The following CREB3L2 variants were observed in gnomAD, a reference collection of about 807,000 sequenced individuals.
The protein encoded by CREB3L2 is cAMP responsive element binding protein 3 like 2.
CREB3L2 carries 23 observed loss-of-function variants against 57.2 expected under a neutral mutation model. That is an observed-to-expected ratio of 0.40 (90% CI 0.29 to 0.57). The LOEUF (loss-of-function observed/expected upper bound fraction) is 0.57, where lower values mean the gene tolerates loss of function less well. Ranked by LOEUF, CREB3L2 falls within the 20% of genes least tolerant of loss-of-function variation. The probability of loss-of-function intolerance (pLI) is 0.42; values close to 1 mark genes in which losing one functional copy is unlikely to be tolerated. For missense variants in CREB3L2, 628 were observed against 634.7 expected (o/e 0.99, Z 0.11); for synonymous variants, 268 against 265.1 (o/e 1.01, Z -0.11).
intron 1 of CREB3L2, among the ~76,000 whole-genome samples, chr7:137,971,581 CT>C (rs1197758844): frequency 1.3e-5 from 2 of 151,950 alleles, no homozygotes; most frequent in African/African-American, 4.8e-5. Context: ...AACACCGGTC[CT>C]TACTCTCTGC....
intron 1 of CREB3L2, among the ~76,000 whole-genome samples, chr7:137,931,629 C>T (rs940700694): frequency 2.0e-5 from 3 of 151,408 alleles, no homozygotes; most frequent in African/African-American, 7.3e-5. Flanking sequence ...GTCAGGAGTT[C>T]GAGGCTGGCC....
rs1391494990 is a variant in CREB3L2 at position 137,946,870 on chromosome 7, ATATAGTTATC to A, written c.103-18514_103-18505del. 3.2e-4 allele frequency among the ~76,000 whole-genome samples: 21 copies of A among 65,220 alleles called. 2 individuals carry two copies. The highest frequency in any genetic ancestry group is 1.4e-3 in the African/African-American group (17 of 11,910). The allele number at this position is 65,220 out of a possible 152,430, so 42.8% of individuals were successfully genotyped here. On this transcript the variant is annotated intron_variant, in intron 1 of 11. Coordinates refer to ENST00000330387, the MANE Select transcript of CREB3L2 (RefSeq NM_194071.4). ...TATATAGTTATCTATATAGTTATAT[ATATAGTTATC>A]TATATAGTTATATATATAGTTATAT...
At chr7:137,904,849 A>AAAG (rs3087066) in intron 6 of CREB3L2, among the ~76,000 whole-genome samples, 22,066 of 147,232 alleles carry the variant, frequency 0.15, 4,973 homozygotes, top group African/African-American at 0.5. Flanking sequence ...AAAAAAAAAA[A>AAAG]AAAGAAAGAA....
At chr7:137,992,446 C>T (rs752808905) in intron 1 of CREB3L2, among the ~76,000 whole-genome samples, 2 of 152,068 alleles carry the variant, frequency 1.3e-5, no homozygotes, top group African/African-American at 2.4e-5. Context: ...ATGGGTGCAG[C>T]GATAAGAAGG....
chr7:137,935,897 GT>G, intron 1 of CREB3L2: 3 of 587,844 alleles, frequency 5.1e-6, no homozygotes, highest in Non-Finnish European at 6.4e-6. Context: ...TACGCTTTGA[GT>G]TTTCAGGTCA....
intron 1 of CREB3L2, among the ~76,000 whole-genome samples, chr7:137,962,410 C>T (rs954311172): frequency 2.0e-5 from 3 of 152,030 alleles, no homozygotes; most frequent in South Asian, 2.1e-4. Flanking sequence ...GGTTTCTAGG[C>T]CCCCTTTCTC....
rs756800914 is a variant in CREB3L2 at position 137,915,877 on chromosome 7, G to A, written c.455C>T (p.Pro152Leu). ...VTLTITAIST[P>L]LEKEEPPLEM... ...CAGAGGAGGTTCCTCCTTTTCCAAC[G>A]GGGTGGAGATGGCTGTGATGGTCAG... Residue 152 changes from proline to leucine, a missense_variant, in exon 3 of 12, where the codon CCG becomes CTG. Physicochemically the swap from Pro to Leu is moderately conservative, Grantham distance 98 (BLOSUM62 -3). Coordinates refer to ENST00000330387, the MANE Select transcript of CREB3L2 (RefSeq NM_194071.4). 38 of 1,614,076 alleles carry A rather than the reference G, an allele frequency of 2.4e-5. No individual in the cohort carries two copies. Among genetic ancestry groups the A allele is most frequent in the South Asian group, 8.8e-5 (8 of 91,068 alleles).
intron 3 of CREB3L2, among the ~76,000 whole-genome samples, chr7:137,913,919 G>A (rs1413164745): frequency 1.3e-5 from 2 of 152,094 alleles, no homozygotes; most frequent in African/African-American, 4.8e-5. Context: ...GGAGGGGCCA[G>A]GGGGTCTCTT....
chr7:137,964,445 T>G (rs1370687955), intron 1 of CREB3L2, among the ~76,000 whole-genome samples: 1 of 152,224 alleles, frequency 6.6e-6, no homozygotes, highest in African/African-American at 2.4e-5. Context: ...GGGGAATGTT[T>G]TCCTCCGTGT....
At chr7:137,959,168 C>T (rs1801273691) in intron 1 of CREB3L2, among the ~76,000 whole-genome samples, 1 of 152,188 alleles carries the variant, frequency 6.6e-6, no homozygotes, top group Admixed American at 6.5e-5. Context: ...GAGGTGATGT[C>T]TATTTCTCTG....
At chr7:137,947,979 C>T (rs1427242185) in intron 1 of CREB3L2, among the ~76,000 whole-genome samples, 4 of 152,184 alleles carry the variant, frequency 2.6e-5, no homozygotes, top group Non-Finnish European at 4.4e-5. Flanking sequence ...GCCTCGGGCT[C>T]TGCCACTCTG....
Position 137,879,167 on chromosome 7 carries a change from A to AT in CREB3L2, c.*1308dup, listed in dbSNP as rs1375146324. ...TAAACTACAAAAGTTACTTTTAACCATAAAAAAAAAACAAAAAAACTAAAA... is the reference window on the plus strand; with the variant it reads ...TAAACTACAAAAGTTACTTTTAACCATTAAAAAAAAAACAAAAAAACTAAAA... On this transcript the variant is annotated 3_prime_UTR_variant, in exon 12 of 12. Transcript: ENST00000330387. 1 of 506,804 alleles carries AT rather than the reference A, an allele frequency of 2.0e-6. No individual in the cohort carries two copies. The highest frequency in any genetic ancestry group is 3.7e-6 in the Non-Finnish European group (1 of 270,112). The allele number at this position is 506,804 out of a possible 1,614,324, so 31.4% of individuals were successfully genotyped here. A position where few individuals can be genotyped will look rare whatever the true frequency, so the allele number is the denominator to read the frequency against.
intron 1 of CREB3L2, among the ~76,000 whole-genome samples, chr7:137,947,207 C>T (rs1199636922): frequency 6.6e-6 from 1 of 151,268 alleles, no homozygotes; most frequent in Non-Finnish European, 1.5e-5. Flanking sequence ...TGCTGGCACC[C>T]TGATCTCAGA....
chr7:138,000,232 C>A (rs1042941441), intron 1 of CREB3L2, among the ~76,000 whole-genome samples: 7 of 152,346 alleles, frequency 4.6e-5, no homozygotes, highest in African/African-American at 1.7e-4. Context: ...TGTAGCCTGT[C>A]AGTAGAAACT....
intron 3 of CREB3L2, 109 bp from the exon 4 acceptor site, chr7:137,913,187 A>G: frequency 1.8e-6 from 2 of 1,093,434 alleles, no homozygotes; most frequent in Non-Finnish European, 2.6e-6. Context: ...AGCCCTGCCT[A>G]TCCTGGAGAA....
At chr7:137,979,560 C>T (rs1801675739) in intron 1 of CREB3L2, among the ~76,000 whole-genome samples, 3 of 152,100 alleles carry the variant, frequency 2.0e-5, no homozygotes, top group Non-Finnish European at 4.4e-5. Context: ...CCCACCTCTA[C>T]TAAAAATACA....
At chr7:137,945,205 C>T (rs958840093) in intron 1 of CREB3L2, among the ~76,000 whole-genome samples, 17 of 152,198 alleles carry the variant, frequency 1.1e-4, no homozygotes, top group Non-Finnish European at 2.4e-4. Flanking sequence ...AAATTTATAA[C>T]TTTTAATTGA....
chr7:137,955,869 T>C (rs1801200186), intron 1 of CREB3L2, among the ~76,000 whole-genome samples: 1 of 152,054 alleles, frequency 6.6e-6, no homozygotes, highest in Non-Finnish European at 1.5e-5. Context: ...ATTCAAAAAA[T>C]TACAACCTAA....
chr7:137,997,384 T>C (rs1004124245), intron 1 of CREB3L2, among the ~76,000 whole-genome samples: 3 of 152,190 alleles, frequency 2.0e-5, no homozygotes, highest in Non-Finnish European at 2.9e-5. Context: ...TTTATACATA[T>C]ATAAAATACA....
Sources: gnomAD v4.1 joint callset for allele counts (sites outside exome capture counted in the v4.1 genomes callset) on GRCh38, gnomAD v4.1.1 for gene constraint, MANE v1.5 for transcripts, NCBI Gene and HGNC (gene_info 2026-07-23, HGNC 2026-07-21) for gene names.